KSR1: variants seen among roughly 807,000 people sequenced by gnomAD.
KSR1 encodes kinase suppressor of ras 1.
A neutral mutation model predicts 92.9 loss-of-function variants in KSR1; 35 were observed. The observed-to-expected ratio is 0.38, with a 90% CI of 0.29 to 0.50. The LOEUF is 0.50. KSR1 is among the 20% of genes least tolerant of loss of function. The probability of loss-of-function intolerance (pLI) is 0.94; values close to 1 mark genes in which losing one functional copy is unlikely to be tolerated. For missense variants in KSR1, 972 were observed against 1,158.5 expected (o/e 0.84, Z 2.34); for synonymous variants, 467 against 472.6 (o/e 0.99, Z 0.15).
intron 1 of KSR1, among the ~76,000 whole-genome samples, chr17:27,462,953 T>C (rs192689480): frequency 6.6e-6 from 1 of 152,386 alleles, no homozygotes; most frequent in Admixed American, 6.5e-5. Context: ...TGTGTGGTCA[T>C]ACCACAAATT....
intron 7 of KSR1, 52 bp from the exon 8 acceptor site, chr17:27,592,309 C>A: frequency 6.8e-7 from 1 of 1,480,332 alleles, no homozygotes; most frequent in Non-Finnish European, 9.4e-7. Context: ...CCCCTGTGTG[C>A]CTGAGCCCCC....
At chr17:27,576,158 T>C (rs762763385) in intron 2 of KSR1, among the ~76,000 whole-genome samples, 1 of 152,194 alleles carries the variant, frequency 6.6e-6, no homozygotes, top group Non-Finnish European at 1.5e-5. Context: ...TGTTACCAGC[T>C]CAAGAGAACC....
chr17:27,476,766 T>C (rs2068360379), intron 1 of KSR1, among the ~76,000 whole-genome samples: 1 of 150,566 alleles, frequency 6.6e-6, no homozygotes, highest in Non-Finnish European at 1.5e-5. Flanking sequence ...CTGCTGTCTA[T>C]GTTCTGGGCT....
At chr17:27,589,824 G>A (rs145213334) in intron 6 of KSR1, among the ~76,000 whole-genome samples, 27 of 152,202 alleles carry the variant, frequency 1.8e-4, no homozygotes, top group African/African-American at 6.0e-4. Context: ...ACGTTGAAAC[G>A]TCAACAGAAA....
At chr17:27,584,009 G>T (rs2072875703) in intron 4 of KSR1, 1 of 979,192 alleles carries the variant, frequency 1.0e-6, no homozygotes, top group Non-Finnish European at 1.2e-6. Context: ...TTATTTCGTT[G>T]TATAGTTTAT....
At chr17:27,537,444 C>T (rs967803677) in intron 1 of KSR1, among the ~76,000 whole-genome samples, 2 of 152,282 alleles carry the variant, frequency 1.3e-5, no homozygotes, top group African/African-American at 4.8e-5. Context: ...GTAATCCCAG[C>T]ACTTTGGGAG....
At chr17:27,623,162 G>A (rs1317270568) in intron 20 of KSR1, 152 bp from the exon 21 acceptor site, 1 of 671,400 alleles carries the variant, frequency 1.5e-6, no homozygotes, top group Non-Finnish European at 2.7e-6. Flanking sequence ...AGTATGACCA[G>A]GGGCAGCTCT....
At chr17:27,604,589 C>A in intron 12 of KSR1, 91 bp from the exon 13 acceptor site, 1 of 1,315,668 alleles carries the variant, frequency 7.6e-7, no homozygotes, top group Non-Finnish European at 1.1e-6. Context: ...GAGTAAGTAC[C>A]TTTGTCTCAG....
At chr17:27,462,198 C>A (rs2019482782) in intron 1 of KSR1, among the ~76,000 whole-genome samples, 1 of 152,130 alleles carries the variant, frequency 6.6e-6, no homozygotes, top group Non-Finnish European at 1.5e-5. Context: ...TGCTATGAGG[C>A]CTTATCCTGA....
At position 27,592,394 on chromosome 17, in the gene KSR1, C is replaced by T. The variant is rs2073195624; in HGVS notation, c.1164C>T (p.Ala388=). Residue 388 remains alanine, a synonymous_variant, in exon 8 of 21, where the codon GCC becomes GCT. Transcript: ENST00000644974. ...GTCACAACAAATGTACCAAAGAAGCCCCTGCCTGTAGAATATCCTTCCTGC... is the reference window on the plus strand; with the variant it reads ...GTCACAACAAATGTACCAAAGAAGCTCCTGCCTGTAGAATATCCTTCCTGC... The part of the protein sequence containing the change: ...LKCHNKCTKE[A]PACRISFLPL... 1.9e-6 allele frequency: 3 copies of T among 1,613,926 alleles called. No homozygotes were observed. The highest frequency in any genetic ancestry group is 1.1e-5 in the South Asian group (1 of 91,072).
intron 1 of KSR1, chr17:27,526,342 T>G: frequency 7.6e-7 from 1 of 1,320,110 alleles, no homozygotes; most frequent in Non-Finnish European, 1.0e-6. Flanking sequence ...TTCCAGACAT[T>G]CTTTGCCAAC....
At position 27,597,334 on chromosome 17, in the gene KSR1, C is replaced by A. The variant is rs755973053; in HGVS notation, c.1366C>A (p.Pro456Thr). 12 of 1,612,540 alleles carry A rather than the reference C, an allele frequency of 7.4e-6. No homozygotes were observed. Among genetic ancestry groups the A allele is most frequent in the Non-Finnish European group, 5.1e-6 (6 of 1,179,308 alleles). ...CCCTTCCTCCACCACCTCCTCCACA[C>A]CCTCCTCACCGGCGCCCTTCCCGAC... ...SNPSSTTSSTPSSPAPFPTSS... is the reference protein window; with the variant it reads ...SNPSSTTSSTTSSPAPFPTSS... The change falls in exon 10 of 21, where the codon CCC becomes ACC. Residue 456 changes from proline (P) to threonine (T), a missense_variant. Physicochemically the swap from Pro to Thr is conservative, Grantham distance 38. Transcript: ENST00000644974.
At chr17:27,616,384 G>A (rs2074055485) in intron 18 of KSR1, among the ~76,000 whole-genome samples, 1 of 152,064 alleles carries the variant, frequency 6.6e-6, no homozygotes, top group South Asian at 2.1e-4. Flanking sequence ...CACTTTTAAT[G>A]TTTCAGTTCA....
chr17:27,526,752 CT>C, intron 1 of KSR1: 1 of 1,217,008 alleles, frequency 8.2e-7, no homozygotes, highest in Non-Finnish European at 1.2e-6. Flanking sequence ...CGTATGAACT[CT>C]TTCTCATCAT....
chr17:27,611,773 G>T, intron 18 of KSR1, 144 bp downstream of exon 18: 1 of 931,100 alleles, frequency 1.1e-6, no homozygotes, highest in Non-Finnish European at 1.6e-6. Flanking sequence ...AGATGAAAAT[G>T]ATATGCATTG....
chr17:27,528,068 G>GT (rs2070385209), intron 1 of KSR1, among the ~76,000 whole-genome samples: 1 of 152,050 alleles, frequency 6.6e-6, no homozygotes, highest in Admixed American at 6.6e-5. Flanking sequence ...CATTTATTTT[G>GT]TTTTTTATTA....
At chr17:27,548,991 C>A (rs2071291454) in intron 1 of KSR1, among the ~76,000 whole-genome samples, 1 of 152,106 alleles carries the variant, frequency 6.6e-6, no homozygotes, top group Admixed American at 6.5e-5. Flanking sequence ...ATCCAAAATG[C>A]TCCAGTGAGC....
At chr17:27,461,708 G>C (rs893044881) in intron 1 of KSR1, among the ~76,000 whole-genome samples, 3 of 152,254 alleles carry the variant, frequency 2.0e-5, no homozygotes, top group African/African-American at 7.2e-5. Flanking sequence ...AGGGCTGGGT[G>C]GTGCTGGAGA....
At chr17:27,621,553 T>G (rs1183019761) in intron 20 of KSR1, among the ~76,000 whole-genome samples, 3 of 152,154 alleles carry the variant, frequency 2.0e-5, no homozygotes, top group African/African-American at 7.2e-5. Flanking sequence ...ATTCTGGTCA[T>G]TGATTTGAGC....
Sources: allele counts gnomAD v4.1 joint callset (sites outside exome capture counted in the v4.1 genomes callset), GRCh38; gene constraint gnomAD v4.1.1; transcripts MANE v1.5; gene names NCBI Gene and HGNC (gene_info 2026-07-23, HGNC 2026-07-21).